SBSPON: variants seen among roughly 807,000 people sequenced by gnomAD.
SBSPON encodes somatomedin-B and thrombospondin type-1 domain-containing protein.
SBSPON carries 30 observed loss-of-function variants against 35.8 expected under a neutral mutation model. The ratio of observed to expected loss-of-function variants is 0.84; its 90% CI spans 0.63 to 1.14. The LOEUF is 1.14. Ranked by LOEUF, SBSPON falls within the 50% of genes most tolerant of loss-of-function variation. SBSPON has a pLI of 0.00. For missense variants in SBSPON, 364 were observed against 357.7 expected, an observed-to-expected ratio of 1.02 and a Z score of -0.14; for synonymous variants, 136 against 135.9, an observed-to-expected ratio of 1.00 and a Z score of 0.00.
intron 2 of SBSPON, among the ~76,000 whole-genome samples, chr8:73,073,801 CAA>C (rs548358079): frequency 3.2e-3 from 376 of 118,316 alleles, no homozygotes; most frequent in African/African-American, 0.011. Flanking sequence ...AAGACCATCT[CAA>C]AAAAAAAAAA....
At chr8:73,091,872 C>T (rs1308253171) in intron 1 of SBSPON, among the ~76,000 whole-genome samples, 1 of 152,196 alleles carries the variant, frequency 6.6e-6, no homozygotes, top group Non-Finnish European at 1.5e-5. Context: ...CACTGGGTAT[C>T]CGGTTGCCCA....
chr8:73,076,779 A>C (rs1488971324), intron 2 of SBSPON, among the ~76,000 whole-genome samples: 1 of 152,054 alleles, frequency 6.6e-6, no homozygotes, highest in Non-Finnish European at 1.5e-5. Flanking sequence ...TGGAAAAGGC[A>C]AGGAAGAAGA....
At chr8:73,067,888 T>C (rs1004811953) in intron 4 of SBSPON, among the ~76,000 whole-genome samples, 4 of 151,096 alleles carry the variant, frequency 2.6e-5, no homozygotes, top group Non-Finnish European at 4.4e-5. Flanking sequence ...TTCCCTTGTT[T>C]AGTTTCTGTC....
chr8:73,092,722 T>TG, intron 1 of SBSPON, 132 bp downstream of exon 1: 1 of 648,414 alleles, frequency 1.5e-6, no homozygotes, highest in Non-Finnish European at 2.7e-6. Context: ...ATGGCGGTGG[T>TG]GGGGATGGGT....
At chr8:73,081,961 C>T (rs1267860122) in intron 1 of SBSPON, among the ~76,000 whole-genome samples, 1 of 152,190 alleles carries the variant, frequency 6.6e-6, no homozygotes, top group African/African-American at 2.4e-5. Context: ...TTGGTCTATG[C>T]TTTTCCACAT....
chr8:73,085,787 T>C (rs1563491152), intron 1 of SBSPON: 1 of 152,216 alleles, frequency 6.6e-6, no homozygotes, highest in Non-Finnish European at 1.5e-5. Context: ...AGCCATTCAT[T>C]TTATAAAGAG....
chr8:73,080,137 T>G (rs1293132408), intron 2 of SBSPON, among the ~76,000 whole-genome samples: 1 of 152,118 alleles, frequency 6.6e-6, no homozygotes, highest in Non-Finnish European at 1.5e-5. Context: ...CATTGGCCAC[T>G]CCAAAACCAG....
At chr8:73,072,426 TG>T (rs1465474810) in intron 2 of SBSPON, among the ~76,000 whole-genome samples, 1 of 152,074 alleles carries the variant, frequency 6.6e-6, no homozygotes, top group African/African-American at 2.4e-5. Context: ...CCCAGCAGTG[TG>T]GGAGGCCATG....
chr8:73,085,784 C>T (rs556778120), intron 1 of SBSPON: 1 of 152,294 alleles, frequency 6.6e-6, no homozygotes, highest in South Asian at 2.1e-4. Flanking sequence ...CAGAGCCATT[C>T]ATTTTATAAA....
chr8:73,071,124 T>A (rs1810486253), intron 3 of SBSPON, among the ~76,000 whole-genome samples: 1 of 152,198 alleles, frequency 6.6e-6, no homozygotes, highest in South Asian at 2.1e-4. Context: ...CCCAAGGCAC[T>A]GAGGTTACAG....
At chr8:73,068,723 A>C (rs1024258540) in intron 4 of SBSPON, among the ~76,000 whole-genome samples, 1 of 152,152 alleles carries the variant, frequency 6.6e-6, no homozygotes, top group East Asian at 1.9e-4. Context: ...AAGAAGCCCC[A>C]TTGAGCAACA....
At chr8:73,071,553 T>A (rs1369128878) in intron 3 of SBSPON, among the ~76,000 whole-genome samples, 3 of 152,216 alleles carry the variant, frequency 2.0e-5, no homozygotes, top group Non-Finnish European at 2.9e-5. Flanking sequence ...GTATATAGTT[T>A]GTTTCTTGTT....
rs779413858 is a variant in SBSPON at position 73,069,969 on chromosome 8, C to G, written c.513G>C (p.Glu171Asp). 1.9e-6 allele frequency: 3 copies of G among 1,587,594 alleles called. No individual in the cohort carries two copies. In the East Asian group the frequency reaches 6.7e-5, roughly 36 times the overall value. Residue 171 changes from glutamate to aspartate, a missense_variant, in exon 4 of 5, where the codon GAG (glutamate) becomes GAC (aspartate). By Grantham distance (45) the Glu-to-Asp change is conservative. Transcript: ENST00000297354. The stretch of plus-strand genomic sequence containing the variant: ...GAGGAGTCAAGGACTCTGTCTTAAA[C>G]TCCATACAGTATCTACAGCAAAAGA... ...THTEDAGYCM[E>D]FKTESLTPHC...
At chr8:73,074,554 A>ATCAAACTCCTCAGGGCGGCAC in intron 2 of SBSPON, 1 of 983,266 alleles carries the variant, frequency 1.0e-6, no homozygotes, top group Non-Finnish European at 1.2e-6. Context: ...CGTCTCCGAA[A>ATCAAACTCCTCAGGGCGGCAC]TCAAACTCCT....
intron 4 of SBSPON, 151 bp from the exon 5 acceptor site, chr8:73,067,609 T>TATATATATATATATAG (rs1491140504): frequency 0.016 from 208 of 13,048 alleles, 5 homozygotes; most frequent in Middle Eastern, 0.067. Flanking sequence ...ATATATATAG[T>TATATATATATATATAG]TTTTTTTTTT....
At position 73,069,872 on chromosome 8, in the gene SBSPON, C is replaced by A. The variant is rs1586088781; in HGVS notation, c.610G>T (p.Asp204Tyr). The change falls in exon 4 of 5, where the codon GAT becomes TAT. Residue 204 changes from aspartate (D) to tyrosine (Y), a missense_variant. By Grantham distance (160) the Asp-to-Tyr change is radical. Transcript: ENST00000297354. ...YLREGYTVCV[D>Y]CQPPAMNSVS... ...GAGTTCATAGCTGGAGGCTGACAAT[C>A]CACACACACCGTGTATCCCTCTCGG... 1 of 1,614,044 alleles carries A rather than the reference C, an allele frequency of 6.2e-7. No homozygotes were observed. The highest frequency in any genetic ancestry group is 2.2e-5 in the East Asian group (1 of 44,870).
chr8:73,091,068 C>A (rs932100160), intron 1 of SBSPON, among the ~76,000 whole-genome samples: 1 of 152,226 alleles, frequency 6.6e-6, no homozygotes, highest in Non-Finnish European at 1.5e-5. Context: ...GGGCCTGAAT[C>A]TCTCCAGATC....
intron 2 of SBSPON, among the ~76,000 whole-genome samples, chr8:73,075,421 T>C (rs1170741784): frequency 6.6e-6 from 1 of 152,202 alleles, no homozygotes; most frequent in Non-Finnish European, 1.5e-5. Context: ...TTAGAAATTA[T>C]TTTTGCCTCC....
chr8:73,067,595 A>C, intron 4 of SBSPON, 137 bp from the exon 5 acceptor site: 1 of 33,336 alleles, frequency 3.0e-5, no homozygotes, highest in African/African-American at 4.2e-4. Context: ...TCTACTATAT[A>C]TATATATATA....
Sources: gnomAD v4.1 joint callset for allele counts (sites outside exome capture counted in the v4.1 genomes callset) on GRCh38, gnomAD v4.1.1 for gene constraint, MANE v1.5 for transcripts, NCBI Gene and HGNC (gene_info 2026-07-23, HGNC 2026-07-21) for gene names.